The following MICU3 variants were observed in gnomAD, a reference collection of about 807,000 sequenced individuals.
MICU3 encodes calcium uptake protein 3, mitochondrial.
In MICU3, 62 loss-of-function variants were observed where a neutral mutation model predicts 66.5. That is an observed-to-expected ratio of 0.93 (90% CI 0.76 to 1.15). The LOEUF (loss-of-function observed/expected upper bound fraction) is 1.15. MICU3 is among the 50% of genes most tolerant of loss of function. The pLI is 0.00. For missense variants in MICU3, 779 were observed against 664.4 expected, an observed-to-expected ratio of 1.17 and a Z score of -1.90; for synonymous variants, 308 against 240.7, an observed-to-expected ratio of 1.28 and a Z score of -2.59.
At chr8:17,109,523 G>C (rs1464474177) in intron 11 of MICU3, among the ~76,000 whole-genome samples, 8 of 152,032 alleles carry the variant, frequency 5.3e-5, no homozygotes, top group Admixed American at 6.6e-5. Context: ...TTCTTTACTA[G>C]TGCAGAACTA....
chr8:17,048,608 A>G (rs1240949515), intron 1 of MICU3, among the ~76,000 whole-genome samples: 2 of 151,964 alleles, frequency 1.3e-5, no homozygotes, highest in Admixed American at 1.3e-4. Context: ...CACAACTACC[A>G]CTTCTTTATT....
chr8:17,137,461 G>A, the MICU3 span, among the ~76,000 whole-genome samples: 6 of 148,796 alleles, frequency 4.0e-5, no homozygotes, highest in East Asian at 2.0e-4. Context: ...GACAGACCAC[G>A]GAAGGAAGAA....
At chr8:17,114,894 C>T (rs1305917855) in intron 12 of MICU3, among the ~76,000 whole-genome samples, 7 of 151,738 alleles carry the variant, frequency 4.6e-5, no homozygotes, top group Admixed American at 1.3e-4. Context: ...CTGAGGCGGG[C>T]GGATCACGAG....
At chr8:17,052,519 C>T (rs997069836) in intron 1 of MICU3, among the ~76,000 whole-genome samples, 13 of 152,160 alleles carry the variant, frequency 8.5e-5, no homozygotes, top group African/African-American at 2.7e-4. Flanking sequence ...CCCACTCACC[C>T]TTCCCATAGT....
intron 3 of MICU3, 57 bp from the exon 4 acceptor site, chr8:17,077,726 A>G (rs534901761): frequency 1.8e-5 from 21 of 1,197,844 alleles, no homozygotes; most frequent in Non-Finnish European, 2.5e-5. Flanking sequence ...CATGTTTTTG[A>G]TCTATTTTAT....
intron 8 of MICU3, among the ~76,000 whole-genome samples, chr8:17,092,569 C>G (rs1477717467): frequency 2.0e-5 from 3 of 151,960 alleles, no homozygotes; most frequent in African/African-American, 7.2e-5. Context: ...AACTTGATGT[C>G]ATTTTTACAT....
At chr8:17,126,034 GA>G (rs34218751), downstream of MICU3, among the ~76,000 whole-genome samples, 10,178 of 111,714 alleles carry the variant, frequency 0.091, 1,212 homozygotes, top group African/African-American at 0.29. Flanking sequence ...ATCTCAAAAG[GA>G]AAAAAAAAAA....
intron 1 of MICU3, among the ~76,000 whole-genome samples, chr8:17,043,803 T>C (rs1175950207): frequency 6.6e-6 from 1 of 152,234 alleles, no homozygotes; most frequent in African/African-American, 2.4e-5. Flanking sequence ...TCTTTTATAA[T>C]ATGAACTTAA....
chr8:17,038,622 C>T (rs1379089592), intron 1 of MICU3, among the ~76,000 whole-genome samples: 1 of 152,172 alleles, frequency 6.6e-6, no homozygotes, highest in Non-Finnish European at 1.5e-5. Context: ...AACAGCATCA[C>T]CTGCTACAGA....
the MICU3 span, among the ~76,000 whole-genome samples, chr8:17,136,866 C>G: frequency 2.0e-5 from 3 of 149,242 alleles, no homozygotes; most frequent in East Asian, 5.9e-4. Flanking sequence ...GACGGAGTCT[C>G]TCTCTGTTGC....
chr8:17,046,946 C>G (rs1349648154), intron 1 of MICU3, among the ~76,000 whole-genome samples: 1 of 152,052 alleles, frequency 6.6e-6, no homozygotes, highest in Admixed American at 6.6e-5. Context: ...AGCAAAACTT[C>G]TTTGGAAGGA....
intron 7 of MICU3, 109 bp downstream of exon 7, chr8:17,087,144 G>C: frequency 1.4e-6 from 1 of 738,934 alleles, no homozygotes; most frequent in Non-Finnish European, 2.2e-6. Flanking sequence ...TCCCTTTCTT[G>C]AAAACTTTGT....
intron 1 of MICU3, among the ~76,000 whole-genome samples, chr8:17,057,839 T>G (rs1246914735): frequency 6.6e-6 from 1 of 150,644 alleles, no homozygotes; most frequent in African/African-American, 2.5e-5. Context: ...GTTGTTCTTG[T>G]TGTTGTTGTT....
rs551001655 is a variant in MICU3, at chr8:17,096,835, A to T, written c.889-1623A>T. ...TTTCAAATATGGCAAAGCAAGAAGA[A>T]AATTTAAAATATCCTAACCCCAACA... On this transcript the variant is annotated intron_variant, in intron 8 of 14. Coordinates refer to ENST00000318063, the MANE Select transcript of MICU3 (RefSeq NM_181723.3). 5.2e-3 allele frequency among the ~76,000 whole-genome samples: 794 copies of T among 152,014 alleles called. 7 individuals carry two copies. Among genetic ancestry groups the T allele is most frequent in the African/African-American group, 0.018 (755 of 41,524 alleles).
At chr8:17,116,663 C>T in intron 13 of MICU3, 63 bp downstream of exon 13, 2 of 1,176,460 alleles carry the variant, frequency 1.7e-6, no homozygotes, top group Non-Finnish European at 2.4e-6. Flanking sequence ...ATCAATCCAT[C>T]TAAGTTGAGA....
intron 1 of MICU3, among the ~76,000 whole-genome samples, chr8:17,063,098 C>T (rs774790797): frequency 1.3e-5 from 2 of 151,958 alleles, no homozygotes; most frequent in African/African-American, 4.8e-5. Context: ...GAAAATGGCC[C>T]CGAAGTTTTA....
chr8:17,036,678 G>T (rs1813052473), intron 1 of MICU3, among the ~76,000 whole-genome samples: 1 of 152,228 alleles, frequency 6.6e-6, no homozygotes, highest in Non-Finnish European at 1.5e-5. Flanking sequence ...GGTGCTGATT[G>T]GTGTGTTTAC....
At chr8:17,109,669 G>A (rs1245659243) in intron 11 of MICU3, among the ~76,000 whole-genome samples, 2 of 152,128 alleles carry the variant, frequency 1.3e-5, no homozygotes, top group Non-Finnish European at 2.9e-5. Context: ...ATGGCTAAGG[G>A]TGGAAGGGAC....
intron 11 of MICU3, among the ~76,000 whole-genome samples, chr8:17,106,390 A>G (rs1189480345): frequency 1.3e-5 from 2 of 151,828 alleles, no homozygotes; most frequent in Non-Finnish European, 2.9e-5. Context: ...TTAGTTTACG[A>G]TATCTCCAAA....
Sources: gnomAD v4.1 joint callset for allele counts (sites outside exome capture counted in the v4.1 genomes callset) on GRCh38, gnomAD v4.1.1 for gene constraint, MANE v1.5 for transcripts, NCBI Gene and HGNC (gene_info 2026-07-23, HGNC 2026-07-21) for gene names.